The following ADGRB3 variants were observed in gnomAD, a reference collection of about 807,000 sequenced individuals.
ADGRB3 encodes brain-specific angiogenesis inhibitor 3.
A neutral mutation model predicts 193.4 loss-of-function variants in ADGRB3; 37 were observed. The ratio of observed to expected loss-of-function variants is 0.19; its 90% CI spans 0.15 to 0.25. The LOEUF (loss-of-function observed/expected upper bound fraction) is 0.25, where lower values mean the gene tolerates loss of function less well. Among genes scored for constraint, ADGRB3 ranks in the 10% least tolerant of loss-of-function variants. The probability of loss-of-function intolerance (pLI) is 1.00; values close to 1 mark genes in which losing one functional copy is unlikely to be tolerated. For missense variants in ADGRB3, 1,637 were observed against 1,852.9 expected (o/e 0.88, Z 2.14); for synonymous variants, 690 against 644.2 (o/e 1.07, Z -1.08).
At chr6:69,324,100 C>G (rs1768517948) in intron 20 of ADGRB3, among the ~76,000 whole-genome samples, 1 of 151,894 alleles carries the variant, frequency 6.6e-6, no homozygotes, top group Non-Finnish European at 1.5e-5. Flanking sequence ...CAACCTTTAC[C>G]AAAATGAAGC....
rs534493841 is a variant in ADGRB3, at chr6:69,133,853, C to A, written c.2480+57815C>A. ...TCACCTCCATCCCACCCTTTCCCTGCAAGTCTCCAAAGTCCACCATATCAT... is the reference window on the plus strand; with the variant it reads ...TCACCTCCATCCCACCCTTTCCCTGAAAGTCTCCAAAGTCCACCATATCAT... On this transcript the variant is annotated intron_variant, in intron 17 of 31. Transcript: ENST00000370598. Among the ~76,000 whole-genome samples the A allele has an allele frequency of 2.3e-3, 355 of 152,088 alleles. 6 individuals carry two copies. The highest frequency in any genetic ancestry group is 6.2e-3 in the African/African-American group (257 of 41,498).
At chr6:69,187,719 G>A (rs1427457499) in intron 17 of ADGRB3, among the ~76,000 whole-genome samples, 1 of 152,196 alleles carries the variant, frequency 6.6e-6, no homozygotes, top group African/African-American at 2.4e-5. Flanking sequence ...TGCTCTGCAT[G>A]TAGGGACTTT....
intron 17 of ADGRB3, among the ~76,000 whole-genome samples, chr6:69,175,545 TATAGTA>T (rs570704094): frequency 1.4e-3 from 212 of 152,322 alleles, no homozygotes; most frequent in Non-Finnish European, 2.4e-3. Context: ...ACTGTAGCCT[TATAGTA>T]GTACAGTGTG....
intron 20 of ADGRB3, 109 bp from the exon 21 acceptor site, chr6:69,324,763 G>T: frequency 8.2e-7 from 1 of 1,225,532 alleles, no homozygotes; most frequent in Non-Finnish European, 1.1e-6. Flanking sequence ...AGGAGAAGTA[G>T]ATATTTGAAA....
At chr6:69,372,471 T>C (rs1046720936) in intron 30 of ADGRB3, 30 bp downstream of exon 30, 1 of 1,210,976 alleles carries the variant, frequency 8.3e-7, no homozygotes, top group Non-Finnish European at 1.1e-6. Flanking sequence ...TTTAGAATTG[T>C]AATTACTTGA....
At chr6:68,805,574 G>A (rs1398856746) in intron 3 of ADGRB3, among the ~76,000 whole-genome samples, 1 of 152,066 alleles carries the variant, frequency 6.6e-6, no homozygotes, top group Non-Finnish European at 1.5e-5. Context: ...TCCACTTAAG[G>A]CTTTTGAGAC....
intron 16 of ADGRB3, among the ~76,000 whole-genome samples, chr6:69,066,862 T>C (rs1314338592): frequency 6.6e-6 from 1 of 152,108 alleles, no homozygotes; most frequent in Non-Finnish European, 1.5e-5. Context: ...TGAAAATAAT[T>C]CTTGAGGGCC....
chr6:68,955,970 C>T lies in ADGRB3; in HGVS notation c.1196-54C>T, dbSNP rs145243273. 16 of 1,572,986 alleles carry T rather than the reference C, an allele frequency of 1.0e-5. No individual in the cohort carries two copies. In the African/African-American group the frequency reaches 2.2e-4, roughly 21 times the overall value. On this transcript the variant is annotated intron_variant, in intron 6 of 31. Transcript: ENST00000370598. ...GTGGTTTTACCAGGTACTTTCTGTA[C>T]AGCTTGTCCTATTGGAAGATATCCT...
At chr6:68,689,117 G>A (rs1301209543) in intron 3 of ADGRB3, among the ~76,000 whole-genome samples, 5 of 152,130 alleles carry the variant, frequency 3.3e-5, no homozygotes, top group African/African-American at 1.2e-4. Context: ...AGAGTTAAGG[G>A]TGAAGTGCCC....
intron 3 of ADGRB3, among the ~76,000 whole-genome samples, chr6:68,909,405 A>G (rs1426503586): frequency 1.3e-5 from 2 of 152,194 alleles, no homozygotes; most frequent in East Asian, 1.9e-4. Flanking sequence ...GCTCTCTAAT[A>G]TACAGTGTAA....
At chr6:69,181,693 C>T (rs527636630) in intron 17 of ADGRB3, among the ~76,000 whole-genome samples, 1 of 152,272 alleles carries the variant, frequency 6.6e-6, no homozygotes, top group South Asian at 2.1e-4. Flanking sequence ...AGCTTTGCTT[C>T]GTCAATGATT....
At chr6:69,038,473 G>A (rs553357190) in intron 13 of ADGRB3, among the ~76,000 whole-genome samples, 29 of 152,200 alleles carry the variant, frequency 1.9e-4, no homozygotes, top group African/African-American at 7.0e-4. Context: ...AGGAAAGAGG[G>A]GGAATTTATT....
intron 3 of ADGRB3, among the ~76,000 whole-genome samples, chr6:68,830,479 A>G (rs1344148306): frequency 1.3e-5 from 2 of 152,204 alleles, no homozygotes; most frequent in African/African-American, 4.8e-5. Flanking sequence ...GTTTGGCAAT[A>G]ATGTTTTTTA....
intron 20 of ADGRB3, among the ~76,000 whole-genome samples, chr6:69,307,241 T>C (rs996518536): frequency 3.3e-5 from 5 of 151,550 alleles, no homozygotes; most frequent in African/African-American, 1.2e-4. Flanking sequence ...TCTATAAAGT[T>C]ATAGTATTAA....
At chr6:68,855,712 T>A (rs770395565) in intron 3 of ADGRB3, among the ~76,000 whole-genome samples, 2 of 152,142 alleles carry the variant, frequency 1.3e-5, no homozygotes, top group East Asian at 3.9e-4. Context: ...ATATTAAGAA[T>A]GTACTGGATT....
At chr6:68,724,660 CAT>C (rs1480932281) in intron 3 of ADGRB3, among the ~76,000 whole-genome samples, 2 of 133,224 alleles carry the variant, frequency 1.5e-5, no homozygotes, top group African/African-American at 6.0e-5. Context: ...CACAAAAACC[CAT>C]ATTTTTTTTT....
At position 69,193,453 on chromosome 6, in the gene ADGRB3, A is replaced by G. The variant is rs553330115; in HGVS notation, c.2481-39837A>G. On this transcript the variant is annotated intron_variant, in intron 17 of 31. Coordinates refer to ENST00000370598, the MANE Select transcript of ADGRB3 (RefSeq NM_001704.3). ...TGGGTGTGGATGTGCTTCGGCATCTATACTTTTATTCAGGCCTTTCTTGTT... is the reference window on the plus strand; with the variant it reads ...TGGGTGTGGATGTGCTTCGGCATCTGTACTTTTATTCAGGCCTTTCTTGTT... 3.3e-4 allele frequency among the ~76,000 whole-genome samples: 50 copies of G among 152,244 alleles called. 1 individual carries two copies. Among genetic ancestry groups the G allele is most frequent in the African/African-American group, 1.2e-3 (48 of 41,562 alleles).
intron 3 of ADGRB3, among the ~76,000 whole-genome samples, chr6:68,892,318 C>A (rs1401103115): frequency 6.6e-6 from 1 of 152,208 alleles, no homozygotes; most frequent in African/African-American, 2.4e-5. Context: ...CTCCATCCAT[C>A]TGAAGCCCTA....
At chr6:68,935,694 A>G (rs1356284576) in intron 4 of ADGRB3, among the ~76,000 whole-genome samples, 1 of 152,170 alleles carries the variant, frequency 6.6e-6, no homozygotes, top group African/African-American at 2.4e-5. Context: ...TTCGTTGGTC[A>G]TAGAAATGTT....
Sources: gnomAD v4.1 joint callset for allele counts (sites outside exome capture counted in the v4.1 genomes callset) on GRCh38, gnomAD v4.1.1 for gene constraint, MANE v1.5 for transcripts, NCBI Gene and HGNC (gene_info 2026-07-23, HGNC 2026-07-21) for gene names.